Variants in ZFR2 observed in about 807,000 individuals in gnomAD.
ZFR2 encodes zinc finger RNA binding protein 2.
ZFR2 carries 104 observed loss-of-function variants against 105.7 expected under a neutral mutation model. That is an observed-to-expected ratio of 0.98 (90% CI 0.84 to 1.16). ZFR2 has a LOEUF of 1.16. Ranked by LOEUF, ZFR2 falls within the 50% of genes most tolerant of loss-of-function variation. ZFR2 has a pLI of 0.00. For missense variants in ZFR2, 1,425 were observed against 1,355.5 expected (o/e 1.05, Z -0.80); for synonymous variants, 634 against 597.7 (o/e 1.06, Z -0.89).
intron 1 of ZFR2, among the ~76,000 whole-genome samples, chr19:3,846,521 T>C (rs985958868): frequency 1.3e-5 from 2 of 152,216 alleles, no homozygotes; most frequent in Admixed American, 1.3e-4. Flanking sequence ...AGACATATGG[T>C]AGGCAGGCTT....
At chr19:3,847,062 G>A (rs184206400) in intron 1 of ZFR2, among the ~76,000 whole-genome samples, 1 of 152,196 alleles carries the variant, frequency 6.6e-6, no homozygotes, top group Admixed American at 6.5e-5. Flanking sequence ...GACTGTTGGT[G>A]GCAGTCCTTG....
chr19:3,855,392 T>C, intron 1 of ZFR2: 1 of 1,231,686 alleles, frequency 8.1e-7, no homozygotes, highest in Non-Finnish European at 1.0e-6. Context: ...ATTCTGTGTG[T>C]ACAAAATACC....
Position 3,823,270 on chromosome 19 carries a change from C to T in ZFR2, c.1347G>A (p.Pro449=), listed in dbSNP as rs373477460. The stretch of plus-strand genomic sequence containing the variant: ...CCTCCTCCACATATTCCGGGCCCAC[C>T]GGCTGCGCATCAGAGCAGCCCGCGG... ...EAPAGCSDAQ[P]VGPEYVEEVF... Residue 449 remains proline (P), a synonymous_variant, in exon 8 of 19, where the codon CCG becomes CCA. Transcript: ENST00000262961. The surrounding 1 kb of genome is among the most constrained non-coding windows in gnomAD (Gnocchi z 5.4). 79 of 1,613,878 alleles carry T rather than the reference C, an allele frequency of 4.9e-5. No individual in the cohort carries two copies. The highest frequency in any genetic ancestry group is 6.2e-5 in the Non-Finnish European group (73 of 1,179,898).
chr19:3,847,286 G>A (rs2038193641), intron 1 of ZFR2, among the ~76,000 whole-genome samples: 2 of 152,230 alleles, frequency 1.3e-5, no homozygotes, highest in Admixed American at 6.5e-5. Context: ...CTACTCGGGA[G>A]GCAGAGGCAG....
chr19:3,820,048 G>T, intron 11 of ZFR2, 134 bp downstream of exon 11: 1 of 829,408 alleles, frequency 1.2e-6, no homozygotes, highest in Non-Finnish European at 1.9e-6. Context: ...GAGTGAGGAG[G>T]CCTGGGCCAT....
At chr19:3,836,705 C>T (rs1027909877) in intron 1 of ZFR2, among the ~76,000 whole-genome samples, 9 of 152,154 alleles carry the variant, frequency 5.9e-5, no homozygotes, top group Admixed American at 5.9e-4. Flanking sequence ...AGAGGACATG[C>T]GGCACCATCG....
chr19:3,811,550 G>A (rs1599220196), intron 14 of ZFR2, among the ~76,000 whole-genome samples, 184 bp from the exon 15 acceptor site: 1 of 151,926 alleles, frequency 6.6e-6, no homozygotes, highest in South Asian at 2.1e-4. Context: ...TGTCTCCGGG[G>A]TTCAAGTGAT....
At chr19:3,809,700 T>C (rs1304488704) in intron 16 of ZFR2, among the ~76,000 whole-genome samples, 1 of 152,050 alleles carries the variant, frequency 6.6e-6, no homozygotes, top group African/African-American at 2.4e-5. Context: ...TCCCAGCACT[T>C]TGGGAGGCTG....
intron 1 of ZFR2, among the ~76,000 whole-genome samples, chr19:3,856,330 C>G (rs2145188427): frequency 6.6e-6 from 1 of 152,190 alleles, no homozygotes; most frequent in South Asian, 2.1e-4. Context: ...ATGCAGGGGC[C>G]GAGACTAGAG....
chr19:3,867,615 T>A (rs1329932092), intron 1 of ZFR2, among the ~76,000 whole-genome samples: 1 of 151,882 alleles, frequency 6.6e-6, no homozygotes, highest in East Asian at 1.9e-4. Flanking sequence ...GGATCTTAAA[T>A]ATCACAACAC....
At chr19:3,831,121 TCA>T (rs1479388713) in intron 5 of ZFR2, among the ~76,000 whole-genome samples, 180 bp downstream of exon 5, 2 of 147,584 alleles carry the variant, frequency 1.4e-5, no homozygotes, top group African/African-American at 2.5e-5. Context: ...ACATACACAC[TCA>T]CACTTGCACA....
chr19:3,810,937 G>A, intron 15 of ZFR2, 92 bp from the exon 16 acceptor site: 1 of 1,358,340 alleles, frequency 7.4e-7, no homozygotes, highest in Non-Finnish European at 1.0e-6. Context: ...ACCCCAGGGA[G>A]GATAATAGGG....
rs762780904 is a variant in ZFR2, at chr19:3,813,842, C to T, written c.2220G>A (p.Arg740=). ...CACCTGGGTCTGTGGAGGGGTCCTC[C>T]CGCATCAGAGGTGAGGTGACAGATA... ...VTISVTSPLM[R]EDPSTDPGVE... The change falls in exon 14 of 19, where the codon CGG becomes CGA. Residue 740 remains arginine, a synonymous_variant. Transcript: ENST00000262961. This position sits in a 1 kb window ranked among gnomAD's most constrained non-coding sequence, Gnocchi z 4.4. 4.3e-6 allele frequency: 7 copies of T among 1,613,700 alleles called. No individual in the cohort carries two copies. In the African/African-American group the frequency reaches 9.3e-5, roughly 22 times the overall value.
At chr19:3,841,295 A>G (rs555985604) in intron 1 of ZFR2, among the ~76,000 whole-genome samples, 1 of 152,330 alleles carries the variant, frequency 6.6e-6, no homozygotes, top group South Asian at 2.1e-4. Flanking sequence ...CGGCAGGGCC[A>G]TGGGGCCGTG....
intron 16 of ZFR2, among the ~76,000 whole-genome samples, chr19:3,809,580 A>T (rs1348624982): frequency 6.6e-6 from 1 of 152,160 alleles, no homozygotes; most frequent in East Asian, 1.9e-4. Context: ...GGACAGCCGC[A>T]CACCGGTCAC....
At chr19:3,828,988 G>GAA (rs896403340) in intron 5 of ZFR2, among the ~76,000 whole-genome samples, 2 of 148,550 alleles carry the variant, frequency 1.3e-5, no homozygotes, top group Admixed American at 1.4e-4. Flanking sequence ...TTAAGACGGA[G>GAA]TCTTGCTCTG....
At chr19:3,855,544 G>C in intron 1 of ZFR2, 1 of 940,068 alleles carries the variant, frequency 1.1e-6, no homozygotes, top group Non-Finnish European at 1.4e-6. Flanking sequence ...CCAAAGTCCC[G>C]TCCTCCAGGA....
At chr19:3,865,306 G>A (rs777214390) in intron 1 of ZFR2, among the ~76,000 whole-genome samples, 3 of 152,138 alleles carry the variant, frequency 2.0e-5, no homozygotes, top group African/African-American at 4.8e-5. Flanking sequence ...ATTTATGGAT[G>A]AAAATGTTAA....
intron 6 of ZFR2, among the ~76,000 whole-genome samples, chr19:3,825,820 GAC>G (rs1460227781): frequency 6.6e-6 from 1 of 152,098 alleles, no homozygotes; most frequent in African/African-American, 2.4e-5. Context: ...TCCCTGGACG[GAC>G]ACCCACGTTC....
Sources: gnomAD v4.1 joint callset for allele counts (sites outside exome capture counted in the v4.1 genomes callset) on GRCh38, gnomAD v4.1.1 for gene constraint, Gnocchi (gnomAD v3.1) non-coding constraint, MANE v1.5 for transcripts, NCBI Gene and HGNC (gene_info 2026-07-23, HGNC 2026-07-21) for gene names.